TGM2: variants seen among roughly 807,000 people sequenced by gnomAD.
TGM2 encodes protein-glutamine gamma-glutamyltransferase 2.
Under a neutral mutation model 75.6 loss-of-function variants are expected in TGM2, and 53 were observed. The observed-to-expected ratio is 0.70, with a 90% CI of 0.56 to 0.88. TGM2 has a LOEUF of 0.88. TGM2 is among the 40% of genes least tolerant of loss of function. The pLI is 0.00. For synonymous variants in TGM2, 374 were observed against 381.1 expected (o/e 0.98, Z 0.22); for missense variants, 842 against 928.5 (o/e 0.91, Z 1.21).
rs1329981227 is a variant in TGM2, at chr20:38,148,067, A to C, written c.575T>G (p.Ile192Ser). The change falls in exon 5 of 13, where the codon ATC becomes AGC. Residue 192 changes from isoleucine to serine, a missense_variant. Transcript: ENST00000361475. ...FGQFEDGILD[I>S]CLILLDVNPK... is the part of the protein sequence containing the mutation. ...GTTGACATCTAGAAGGATCAGGCAG[A>C]TGTCTAGGATCCCATCTTCAAACTG... The C allele has an allele frequency of 7.4e-6, 12 of 1,614,070 alleles. No individual in the cohort carries two copies. The highest frequency in any genetic ancestry group is 1.0e-5 in the Non-Finnish European group (12 of 1,180,034).
intron 2 of TGM2, among the ~76,000 whole-genome samples, chr20:38,158,410 A>G (rs779022241): frequency 2.0e-4 from 31 of 152,208 alleles, no homozygotes; most frequent in Non-Finnish European, 2.1e-4. Context: ...CTCTGGGCCC[A>G]AATGACCACA....
At chr20:38,131,041 C>T (rs373144662) in intron 12 of TGM2, 52 bp downstream of exon 12, 32 of 1,606,080 alleles carry the variant, frequency 2.0e-5, no homozygotes, top group East Asian at 4.5e-5. Flanking sequence ...CTACCCCCAC[C>T]GGCATCTGCC....
upstream of TGM2, among the ~76,000 whole-genome samples, chr20:38,168,145 C>T (rs1209616159): frequency 1.3e-5 from 2 of 152,258 alleles, no homozygotes; most frequent in African/African-American, 4.8e-5. Flanking sequence ...TCCTCTCCCA[C>T]ATTCCACAGA....
rs377704485 is a variant in TGM2, at chr20:38,137,452, C to CA, written c.1615+660dup. On this transcript the variant is annotated intron_variant, in intron 10 of 12. Transcript: ENST00000361475. ...TGGGCAACAGAGTAAGACTCCATCTCAAAAAAAATAAAAAAACAAGCAAAC... is the reference window on the plus strand; with the variant it reads ...TGGGCAACAGAGTAAGACTCCATCTCAAAAAAAAATAAAAAAACAAGCAAAC... Among the ~76,000 whole-genome samples, 4 of 151,738 alleles carry CA rather than the reference C, an allele frequency of 2.6e-5. No individual in the cohort carries two copies. The East Asian group carries it at 5.8e-4, about 22-fold the overall frequency.
intron 2 of TGM2, among the ~76,000 whole-genome samples, chr20:38,159,539 AAAG>A (rs869166576): frequency 6.6e-6 from 1 of 152,264 alleles, no homozygotes; most frequent in Admixed American, 6.5e-5. Context: ...AGAAAGAAAG[AAAG>A]AAAAATAAAT....
At chr20:38,148,652 C>A (rs1184398274) in intron 4 of TGM2, among the ~76,000 whole-genome samples, 1 of 152,204 alleles carries the variant, frequency 6.6e-6, no homozygotes, top group Non-Finnish European at 1.5e-5. Context: ...AACTTCAAGG[C>A]CCTTCATGAT....
chr20:38,164,967 G>T (rs1242215238), intron 1 of TGM2, among the ~76,000 whole-genome samples: 1 of 152,242 alleles, frequency 6.6e-6, no homozygotes, highest in Admixed American at 6.5e-5. Context: ...ACAACACCCC[G>T]TCGCGTTCCA....
At chr20:38,130,920 G>A (rs974416891) in intron 12 of TGM2, among the ~76,000 whole-genome samples, 173 bp downstream of exon 12, 13 of 152,188 alleles carry the variant, frequency 8.5e-5, no homozygotes, top group Non-Finnish European at 1.5e-4. Flanking sequence ...AGCATTGACA[G>A]AGAATGTGAC....
chr20:38,140,179 A>G (rs1011568955), intron 8 of TGM2, among the ~76,000 whole-genome samples: 2 of 152,246 alleles, frequency 1.3e-5, no homozygotes, highest in African/African-American at 4.8e-5. Context: ...CTCCAAGTGA[A>G]TACGGGTGCC....
intron 2 of TGM2, among the ~76,000 whole-genome samples, chr20:38,160,286 AG>A (rs1299663307): frequency 6.6e-6 from 1 of 152,222 alleles, no homozygotes; most frequent in Non-Finnish European, 1.5e-5. Context: ...ACTGACCTCA[AG>A]GGAATGGCTG....
At chr20:38,151,409 T>C (rs1843769284) in intron 3 of TGM2, among the ~76,000 whole-genome samples, 1 of 152,144 alleles carries the variant, frequency 6.6e-6, no homozygotes, top group Non-Finnish European at 1.5e-5. Flanking sequence ...GAATATTTTA[T>C]AGCTAGGAAA....
chr20:38,153,135 C>T (rs1412473440), intron 3 of TGM2, among the ~76,000 whole-genome samples: 1 of 152,130 alleles, frequency 6.6e-6, no homozygotes. Context: ...ATGGTCCCTG[C>T]GTGCCATGAG....
Position 38,141,325 on chromosome 20 carries a change from C to T in TGM2, c.1056G>A (p.Glu352=). The change falls in exon 8 of 13, where the codon GAG becomes GAA. Residue 352 remains glutamate (E), a synonymous_variant. Transcript: ENST00000361475. ...GCGTTGGGTCCAGGGCCTGCCAGCC[C>T]TCGTACCCCGGCTGCAGGTCCGGCC... ...MTRPDLQPGY[E]GWQALDPTPQ... is the part of the protein sequence containing the mutation. 6.3e-7 allele frequency: 1 copy of T among 1,590,992 alleles called. No individual in the cohort carries two copies. The highest frequency in any genetic ancestry group is 1.8e-5 in the Admixed American group (1 of 56,652).
chr20:38,140,510 C>T (rs6127224), intron 8 of TGM2, among the ~76,000 whole-genome samples: 46,836 of 151,996 alleles, frequency 0.31, 10,779 homozygotes, highest in African/African-American at 0.65. Context: ...TTGTTTTCAC[C>T]ATAGCACTTT....
intron 2 of TGM2, among the ~76,000 whole-genome samples, chr20:38,159,314 A>T (rs1379442186): frequency 6.6e-6 from 1 of 152,176 alleles, no homozygotes; most frequent in Non-Finnish European, 1.5e-5. Flanking sequence ...TGACGAGAAC[A>T]TATGGACGCA....
intron 8 of TGM2, 43 bp downstream of exon 8, chr20:38,141,239 C>G (rs534004085): frequency 6.7e-7 from 1 of 1,494,216 alleles, no homozygotes; most frequent in Non-Finnish European, 9.1e-7. Flanking sequence ...CTCCAAGCCT[C>G]GTCTTCCCCA....
rs981496447 is a variant in TGM2 at position 38,139,449 on chromosome 20, C to G, written c.1305G>C (p.Glu435Asp). 6.2e-7 allele frequency: 1 copy of G among 1,614,200 alleles called. No individual in the cohort carries two copies. The change falls in exon 9 of 13, where the codon GAG becomes GAC. Residue 435 changes from glutamate to aspartate, a missense_variant. Transcript: ENST00000361475. ...KISTKSVGRD[E>D]REDITHTYKY... ...TGTAGGTGTGGGTGATATCCTCCCG[C>G]TCGTCTCGGCCCACGCTCTTAGTGC...
At chr20:38,166,761 G>A (rs2075313729), upstream of TGM2, among the ~76,000 whole-genome samples, 5 of 152,308 alleles carry the variant, frequency 3.3e-5, no homozygotes, top group South Asian at 1.0e-3. Flanking sequence ...GGTCAAACGG[G>A]CTCTGGCTGG....
intron 2 of TGM2, 81 bp downstream of exon 2, chr20:38,161,339 G>C: frequency 1.9e-6 from 3 of 1,548,868 alleles, no homozygotes; most frequent in South Asian, 2.3e-5. Flanking sequence ...CCTGTTCTCT[G>C]TCAGGGTTCT....
Sources: allele counts gnomAD v4.1 joint callset (sites outside exome capture counted in the v4.1 genomes callset), GRCh38; gene constraint gnomAD v4.1.1; transcripts MANE v1.5; gene names NCBI Gene and HGNC (gene_info 2026-07-23, HGNC 2026-07-21).